The following FAM178B variants were observed in gnomAD, a reference collection of about 807,000 sequenced individuals.
The protein encoded by FAM178B is protein FAM178B.
In FAM178B, 82 loss-of-function variants were observed where a neutral mutation model predicts 91.7. The ratio of observed to expected loss-of-function variants is 0.89; its 90% CI spans 0.75 to 1.07. The LOEUF is 1.07. Ranked by LOEUF, FAM178B falls within the 50% of genes least tolerant of loss-of-function variation. The pLI is 0.00. For missense variants in FAM178B, 769 were observed against 846.7 expected, an observed-to-expected ratio of 0.91 and a Z score of 1.14; for synonymous variants, 368 against 359.4, an observed-to-expected ratio of 1.02 and a Z score of -0.27.
chr2:96,912,131 G>A (rs776704670), intron 12 of FAM178B, among the ~76,000 whole-genome samples: 4 of 152,110 alleles, frequency 2.6e-5, no homozygotes, highest in African/African-American at 2.4e-5. Context: ...AGGAAACCAG[G>A]CTGCCACGCA....
chr2:96,891,449 C>T (rs180782203), intron 14 of FAM178B, among the ~76,000 whole-genome samples: 28 of 152,186 alleles, frequency 1.8e-4, no homozygotes, highest in Non-Finnish European at 4.1e-4. Flanking sequence ...GGCAGGAGAG[C>T]GAACAGCGAA....
At chr2:96,924,760 G>T (rs1348905981) in intron 9 of FAM178B, among the ~76,000 whole-genome samples, 1 of 152,196 alleles carries the variant, frequency 6.6e-6, no homozygotes, top group East Asian at 1.9e-4. Flanking sequence ...ACGGCTTAAG[G>T]TTCCTGCTAA....
intron 8 of FAM178B, 37 bp from the exon 9 acceptor site, chr2:96,929,357 G>C (rs923071678): frequency 6.9e-7 from 1 of 1,453,106 alleles, no homozygotes; most frequent in African/African-American, 1.4e-5. Flanking sequence ...TTAGAATGGG[G>C]AACGGAGGGC....
intron 8 of FAM178B, among the ~76,000 whole-genome samples, chr2:96,942,416 G>A (rs547306050): frequency 9.2e-5 from 14 of 152,092 alleles, no homozygotes; most frequent in African/African-American, 1.7e-4. Context: ...TTTTTCAGAC[G>A]GAGTCTCGCT....
intron 9 of FAM178B, among the ~76,000 whole-genome samples, chr2:96,926,106 C>T (rs2081433679): frequency 6.6e-6 from 1 of 152,154 alleles, no homozygotes; most frequent in Non-Finnish European, 1.5e-5. Flanking sequence ...AAGTTCAAGA[C>T]CAGCCTGGCC....
At chr2:96,894,651 C>A (rs1168751274) in intron 13 of FAM178B, among the ~76,000 whole-genome samples, 10 of 80,778 alleles carry the variant, frequency 1.2e-4, no homozygotes, top group Non-Finnish European at 2.4e-4. Context: ...ACCCACAGAT[C>A]CCCACCCACA....
At chr2:96,883,735 TCCCTGCCTCTCACTCAGGAAGCTGG>T (rs2080447684) in intron 14 of FAM178B, among the ~76,000 whole-genome samples, 1 of 152,300 alleles carries the variant, frequency 6.6e-6, no homozygotes, top group African/African-American at 2.4e-5. Flanking sequence ...CCCCCAGCCG[TCCCTGCCTCTCACTCAGGAAGCTGG>T]CCCTGATGTC....
At chr2:96,914,515 A>T (rs912029120) in intron 12 of FAM178B, among the ~76,000 whole-genome samples, 2 of 152,212 alleles carry the variant, frequency 1.3e-5, no homozygotes, top group African/African-American at 4.8e-5. Context: ...TGGAGCAGGG[A>T]AGTGACTCAA....
intron 9 of FAM178B, among the ~76,000 whole-genome samples, chr2:96,925,674 G>C (rs1196998447): frequency 6.6e-6 from 1 of 152,054 alleles, no homozygotes; most frequent in African/African-American, 2.4e-5. Context: ...CCCACGCCTG[G>C]CTCCAGGGTC....
At chr2:96,960,582 A>T in intron 5 of FAM178B, 142 bp from the exon 6 acceptor site, 1 of 979,596 alleles carries the variant, frequency 1.0e-6, no homozygotes, top group Non-Finnish European at 1.5e-6. Flanking sequence ...GGACAGCGCC[A>T]CCTGCTGATG....
At chr2:96,942,686 A>C (rs1371011625) in intron 8 of FAM178B, among the ~76,000 whole-genome samples, 1 of 152,132 alleles carries the variant, frequency 6.6e-6, no homozygotes, top group East Asian at 1.9e-4. Flanking sequence ...TGAGCCACTG[A>C]GCCTGGCCAA....
chr2:96,916,537 A>G (rs2081243827), intron 12 of FAM178B, among the ~76,000 whole-genome samples: 1 of 152,224 alleles, frequency 6.6e-6, no homozygotes, highest in African/African-American at 2.4e-5. Context: ...GTAGAGTGCA[A>G]GCAGTTGCAG....
intron 14 of FAM178B, among the ~76,000 whole-genome samples, chr2:96,890,729 G>A (rs1261028218): frequency 6.6e-6 from 1 of 152,170 alleles, no homozygotes; most frequent in Admixed American, 6.5e-5. Flanking sequence ...GGCAACTGGG[G>A]CGAATTGGTA....
At chr2:96,901,656 TG>T (rs1196125417) in intron 13 of FAM178B, among the ~76,000 whole-genome samples, 4 of 152,204 alleles carry the variant, frequency 2.6e-5, no homozygotes, top group South Asian at 4.1e-4. Context: ...TGGGCACTGT[TG>T]GGGGGTTGTG....
chr2:96,920,974 T>C (rs1211129118), intron 12 of FAM178B, among the ~76,000 whole-genome samples, 191 bp downstream of exon 12: 1 of 152,142 alleles, frequency 6.6e-6, no homozygotes, highest in Non-Finnish European at 1.5e-5. Flanking sequence ...AATAAGACCA[T>C]GTTAAGAAAA....
intron 8 of FAM178B, among the ~76,000 whole-genome samples, chr2:96,934,717 G>T (rs2081596567): frequency 6.6e-6 from 1 of 152,024 alleles, no homozygotes. Flanking sequence ...GCTGTTCCTG[G>T]TCTCTCTCTC....
intron 12 of FAM178B, among the ~76,000 whole-genome samples, chr2:96,916,196 G>C (rs2153370435): frequency 6.6e-6 from 1 of 152,326 alleles, no homozygotes; most frequent in East Asian, 1.9e-4. Flanking sequence ...TCATTTGCTT[G>C]ATTTTGCCAA....
At chr2:96,952,495 G>A (rs919746983) in intron 6 of FAM178B, among the ~76,000 whole-genome samples, 2 of 152,236 alleles carry the variant, frequency 1.3e-5, no homozygotes, top group African/African-American at 2.4e-5. Context: ...TCTCAAAATC[G>A]GCGCTGGTGT....
rs769632620 is a variant in FAM178B at position 96,877,873 on chromosome 2, G to T, written c.2007+17C>A. The T allele has an allele frequency of 1.9e-6, 3 of 1,610,642 alleles. No homozygotes were observed. In the Admixed American group the frequency reaches 5.0e-5, roughly 27 times the overall value. On this transcript the variant is annotated intron_variant, in intron 16 of 16. Transcript: ENST00000490605. Reference sequence around the variant, plus strand: ...CTTCCCGCCCCTCCCAGGTCTGGGGGCTAGAGGGGGCACCACCTGGGGCTG... The same window carrying T: ...CTTCCCGCCCCTCCCAGGTCTGGGGTCTAGAGGGGGCACCACCTGGGGCTG...
Sources: gnomAD v4.1 joint callset for allele counts (sites outside exome capture counted in the v4.1 genomes callset) on GRCh38, gnomAD v4.1.1 for gene constraint, MANE v1.5 for transcripts, NCBI Gene and HGNC (gene_info 2026-07-23, HGNC 2026-07-21) for gene names.